The following MAST4 variants were observed in gnomAD, a reference collection of about 807,000 sequenced individuals.
The protein encoded by MAST4 is microtubule-associated serine/threonine-protein kinase 4.
MAST4 carries 89 observed loss-of-function variants against 162.7 expected under a neutral mutation model. The observed-to-expected ratio is 0.55, with a 90% CI of 0.46 to 0.65. The LOEUF (loss-of-function observed/expected upper bound fraction) is 0.65, where lower values mean the gene tolerates loss of function less well. MAST4 is among the 30% of genes least tolerant of loss of function. The pLI is 0.00. For synonymous variants in MAST4, 1,479 were observed against 1,361.1 expected, an observed-to-expected ratio of 1.09 and a Z score of -1.91; for missense variants, 3,153 against 3,374.0, an observed-to-expected ratio of 0.93 and a Z score of 1.62.
chr5:66,820,306 A>G (rs1312651054), intron 3 of MAST4, among the ~76,000 whole-genome samples: 1 of 152,216 alleles, frequency 6.6e-6, no homozygotes, highest in Non-Finnish European at 1.5e-5. Flanking sequence ...CTCATAAAAT[A>G]CTTAGATGAT....
At chr5:67,031,039 T>C (rs1394774049) in intron 4 of MAST4, among the ~76,000 whole-genome samples, 4 of 152,274 alleles carry the variant, frequency 2.6e-5, no homozygotes, top group Middle Eastern at 3.4e-3. Context: ...TTGATGTCTA[T>C]TGGGGATAAC....
At chr5:67,042,052 A>G (rs1468627519) in intron 4 of MAST4, among the ~76,000 whole-genome samples, 1 of 152,224 alleles carries the variant, frequency 6.6e-6, no homozygotes, top group African/African-American at 2.4e-5. Context: ...CTCTTAAGAA[A>G]CTGAGTCCAT....
chr5:67,080,825 A>G (rs768276412), intron 5 of MAST4, among the ~76,000 whole-genome samples: 17 of 150,510 alleles, frequency 1.1e-4, no homozygotes, highest in Admixed American at 3.3e-4. Flanking sequence ...TTTTAAGTCA[A>G]ATATTCATGT....
chr5:66,645,749 A>T (rs1473503191), intron 1 of MAST4, among the ~76,000 whole-genome samples: 9 of 152,170 alleles, frequency 5.9e-5, no homozygotes, highest in African/African-American at 2.2e-4. Context: ...GTTTAAAGTT[A>T]TGTGCTTTTA....
At chr5:67,104,273 GTC>G (rs1180448396) in intron 9 of MAST4, 91 bp from the exon 10 acceptor site, 1 of 957,356 alleles carries the variant, frequency 1.0e-6, no homozygotes, top group East Asian at 2.4e-5. Context: ...ACTTGTGGAG[GTC>G]TCTGAAAATG....
intron 4 of MAST4, among the ~76,000 whole-genome samples, chr5:67,039,942 T>C (rs1367835122): frequency 6.7e-6 from 1 of 150,282 alleles, no homozygotes; most frequent in African/African-American, 2.5e-5. Context: ...TACTGTTGAG[T>C]TTGCTTTATT....
rs201944693 is a variant in MAST4, at chr5:66,816,622, A to ATGGC, written c.642+27831_642+27834dup. Among the ~76,000 whole-genome samples the ATGGC allele has an allele frequency of 4.3e-4, 65 of 152,196 alleles. No individual in the cohort carries two copies. The East Asian group carries it at 0.012, about 29-fold the overall frequency. ...CCAGGATGGTTTGAGGTTGGAGAGA[A>ATGGC]TGGCTGCCTTTAGGAGCCAGGCCCA... On this transcript the variant is annotated intron_variant, in intron 3 of 28. Coordinates refer to ENST00000403625, the MANE Select transcript of MAST4 (RefSeq NM_001164664.2).
At chr5:66,902,814 T>C in intron 4 of MAST4, 1 of 389,274 alleles carries the variant, frequency 2.6e-6, no homozygotes, top group Non-Finnish European at 5.1e-6. Context: ...TCTTTTTCCA[T>C]TCAACGAATA....
At chr5:67,087,851 T>G (rs1763418545) in intron 5 of MAST4, among the ~76,000 whole-genome samples, 3 of 152,180 alleles carry the variant, frequency 2.0e-5, no homozygotes, top group South Asian at 2.1e-4. Context: ...GTCTTGAAGT[T>G]GAAGATGTGG....
chr5:67,105,548 C>T (rs1315169232), intron 10 of MAST4, among the ~76,000 whole-genome samples: 1 of 152,176 alleles, frequency 6.6e-6, no homozygotes, highest in African/African-American at 2.4e-5. Flanking sequence ...CTGATGCAGT[C>T]CCTTTCAGAC....
Position 66,785,372 on chromosome 5 carries a change from A to G in MAST4, c.518-3298A>G, listed in dbSNP as rs372249440. 5.3e-5 allele frequency among the ~76,000 whole-genome samples: 8 copies of G among 152,208 alleles called. No individual in the cohort carries two copies. In the East Asian group the frequency reaches 1.5e-3, roughly 29 times the overall value. On this transcript the variant is annotated intron_variant, in intron 2 of 28. Coordinates refer to ENST00000403625, the MANE Select transcript of MAST4 (RefSeq NM_001164664.2). ...ATATATGTTATTTTGTGATTTTTGTATAAATATAGAATCATTCTGTCTTAA... is the reference window on the plus strand; with the variant it reads ...ATATATGTTATTTTGTGATTTTTGTGTAAATATAGAATCATTCTGTCTTAA...
At chr5:67,086,063 C>A (rs1763200077) in intron 5 of MAST4, among the ~76,000 whole-genome samples, 1 of 152,168 alleles carries the variant, frequency 6.6e-6, no homozygotes, top group East Asian at 1.9e-4. Context: ...GTAAGAAACA[C>A]AGCACTGATT....
At chr5:66,809,358 C>A (rs1756362475) in intron 3 of MAST4, among the ~76,000 whole-genome samples, 1 of 152,184 alleles carries the variant, frequency 6.6e-6, no homozygotes, top group South Asian at 2.1e-4. Context: ...GTCACCATTA[C>A]AAATTCAGAA....
At chr5:67,104,728 C>T (rs1227477467) in intron 10 of MAST4, among the ~76,000 whole-genome samples, 153 bp downstream of exon 10, 1 of 149,852 alleles carries the variant, frequency 6.7e-6, no homozygotes, top group Non-Finnish European at 1.5e-5. Context: ...CTGATTGCTA[C>T]TTGCTATAAA....
intron 5 of MAST4, among the ~76,000 whole-genome samples, chr5:67,061,341 T>C (rs181733952): frequency 6.0e-4 from 91 of 152,338 alleles, no homozygotes; most frequent in African/African-American, 2.2e-3. Flanking sequence ...TTTTCCATAC[T>C]CATTAACCAT....
chr5:66,701,054 TA>T (rs61148738), intron 1 of MAST4, among the ~76,000 whole-genome samples: 19,674 of 152,072 alleles, frequency 0.13, 1,470 homozygotes, highest in East Asian at 0.26. Flanking sequence ...ATCATGAATA[TA>T]ATCATTAATG....
chr5:66,852,603 G>T (rs1251031169), intron 3 of MAST4, among the ~76,000 whole-genome samples: 1 of 152,164 alleles, frequency 6.6e-6, no homozygotes, highest in African/African-American at 2.4e-5. Context: ...AAATGATTTT[G>T]AGGGAGAAGT....
At position 67,047,075 on chromosome 5, in the gene MAST4, C is replaced by T. The variant is rs1214811364; in HGVS notation, c.675-7329C>T. 2.0e-5 allele frequency among the ~76,000 whole-genome samples: 3 copies of T among 152,344 alleles called. No individual in the cohort carries two copies. In the East Asian group the frequency reaches 5.8e-4, roughly 29 times the overall value. On this transcript the variant is annotated intron_variant, in intron 4 of 28. Transcript: ENST00000403625. ...AGAGCACAGACTGATGTAACACTTG[C>T]ATTGAATTTTGGAGCTGTTTTTGTA...
At chr5:66,995,477 C>G (rs1008247281) in intron 4 of MAST4, among the ~76,000 whole-genome samples, 1 of 152,126 alleles carries the variant, frequency 6.6e-6, no homozygotes, top group Non-Finnish European at 1.5e-5. Context: ...GATCTTTGCT[C>G]ACTGCAAAAT....
Sources: gnomAD v4.1 joint callset for allele counts (sites outside exome capture counted in the v4.1 genomes callset) on GRCh38, gnomAD v4.1.1 for gene constraint, MANE v1.5 for transcripts, NCBI Gene and HGNC (gene_info 2026-07-23, HGNC 2026-07-21) for gene names.